Variants in NYAP2 observed in about 807,000 individuals in gnomAD.
NYAP2 encodes neuronal tyrosine-phosphorylated phosphoinositide-3-kinase adaptor 2.
NYAP2 carries 23 observed loss-of-function variants against 50.4 expected under a neutral mutation model. That is an observed-to-expected ratio of 0.46 (90% CI 0.33 to 0.65). The LOEUF (loss-of-function observed/expected upper bound fraction) is 0.65, where lower values mean the gene tolerates loss of function less well. Among genes scored for constraint, NYAP2 ranks in the 30% least tolerant of loss-of-function variants. The pLI is 0.02. For missense variants in NYAP2, 885 were observed against 861.0 expected (o/e 1.03, Z -0.35); for synonymous variants, 394 against 365.2 (o/e 1.08, Z -0.90).
the NYAP2 span, among the ~76,000 whole-genome samples, chr2:225,667,330 A>G: frequency 5.9e-5 from 9 of 152,260 alleles, no homozygotes; most frequent in Non-Finnish European, 1.2e-4. Context: ...AGTGGGTGGG[A>G]GGCCTTTACA....
At chr2:225,689,882 T>C in the NYAP2 span, among the ~76,000 whole-genome samples, 1 of 152,108 alleles carries the variant, frequency 6.6e-6, no homozygotes, top group Non-Finnish European at 1.5e-5. Flanking sequence ...TAATCCCTAA[T>C]TGTCATGTTA....
At chr2:225,477,231 CTTTTTTTTT>C (rs11378712) in intron 3 of NYAP2, among the ~76,000 whole-genome samples, 2 of 87,472 alleles carry the variant, frequency 2.3e-5, no homozygotes, top group African/African-American at 4.6e-5. Flanking sequence ...GTCTCTATTT[CTTTTTTTTT>C]TTTTTTTTTT....
intron 3 of NYAP2, among the ~76,000 whole-genome samples, chr2:225,431,244 TAC>T (rs1695361351): frequency 2.0e-5 from 3 of 152,388 alleles, no homozygotes; most frequent in African/African-American, 7.2e-5. Context: ...TTGGATCAAA[TAC>T]ATCACAGTTA....
intron 4 of NYAP2, among the ~76,000 whole-genome samples, chr2:225,549,210 TA>T (rs1691632946): frequency 6.6e-6 from 1 of 152,226 alleles, no homozygotes; most frequent in Non-Finnish European, 1.5e-5. Flanking sequence ...TAGTTTTCTC[TA>T]CTTCCAAGAA....
the NYAP2 span, among the ~76,000 whole-genome samples, chr2:225,666,367 G>C: frequency 6.6e-6 from 1 of 152,158 alleles, no homozygotes; most frequent in Non-Finnish European, 1.5e-5. Context: ...CCAAATATGA[G>C]TGACCATGAC....
intron 3 of NYAP2, among the ~76,000 whole-genome samples, chr2:225,423,939 T>C (rs1292847672): frequency 1.3e-5 from 2 of 152,180 alleles, no homozygotes; most frequent in Non-Finnish European, 2.9e-5. Flanking sequence ...GATGGAAATA[T>C]ATGATCTTTT....
At chr2:225,546,585 G>C (rs57576867) in intron 4 of NYAP2, among the ~76,000 whole-genome samples, 2 of 152,112 alleles carry the variant, frequency 1.3e-5, no homozygotes, top group African/African-American at 4.8e-5. Context: ...CTTCAGGGCA[G>C]TGGGCTCCCT....
rs1559202532 is a variant in NYAP2, at chr2:225,518,560, ATATAT to A, written c.523+4889_523+4893del. On this transcript the variant is annotated intron_variant, in intron 4 of 6. Transcript: ENST00000636099. ...TATATATATATATATATATATATAT[ATATAT>A]ATATTAGCGTGTGCGCTTATATATA... 8.0e-3 allele frequency among the ~76,000 whole-genome samples: 392 copies of A among 49,154 alleles called. 51 individuals are homozygous for A. The highest frequency in any genetic ancestry group is 0.032 in the African/African-American group (374 of 11,708). 32.2% of individuals were successfully genotyped at this position (49,154 alleles called of 152,430 possible).
At chr2:225,430,763 A>G (rs1476316152) in intron 3 of NYAP2, among the ~76,000 whole-genome samples, 20 of 152,200 alleles carry the variant, frequency 1.3e-4, no homozygotes, top group Non-Finnish European at 2.9e-5. Flanking sequence ...AGACATAAAT[A>G]GGAAAATACA....
chr2:225,692,736 C>T, the NYAP2 span, among the ~76,000 whole-genome samples: 2 of 151,908 alleles, frequency 1.3e-5, no homozygotes, highest in African/African-American at 4.8e-5. Flanking sequence ...TTTTCAATGT[C>T]ACACAATGAT....
At chr2:225,506,694 A>C (rs2011387) in intron 3 of NYAP2, among the ~76,000 whole-genome samples, 2 of 152,024 alleles carry the variant, frequency 1.3e-5, no homozygotes. Context: ...CATACTTTTA[A>C]TGAAGAAAGT....
At chr2:225,594,532 A>C (rs1692563277) in intron 5 of NYAP2, among the ~76,000 whole-genome samples, 1 of 152,136 alleles carries the variant, frequency 6.6e-6, no homozygotes, top group African/African-American at 2.4e-5. Flanking sequence ...AAAAAAAAAT[A>C]ATAAAATAAA....
intron 4 of NYAP2, among the ~76,000 whole-genome samples, chr2:225,544,385 C>T (rs887900266): frequency 6.6e-6 from 1 of 151,554 alleles, no homozygotes; most frequent in Non-Finnish European, 1.5e-5. Context: ...GTAATTTTCT[C>T]GTGGTAGGAT....
chr2:225,617,906 C>G (rs571142136), intron 5 of NYAP2, among the ~76,000 whole-genome samples: 1 of 152,236 alleles, frequency 6.6e-6, no homozygotes, highest in African/African-American at 2.4e-5. Context: ...AGTTATTCAT[C>G]CCATCCCTTC....
At chr2:225,506,599 G>C (rs909130021) in intron 3 of NYAP2, among the ~76,000 whole-genome samples, 1 of 152,210 alleles carries the variant, frequency 6.6e-6, no homozygotes, top group Non-Finnish European at 1.5e-5. Context: ...GGGATGTTCA[G>C]TAGGCAGCAC....
the NYAP2 span, among the ~76,000 whole-genome samples, chr2:225,665,929 C>T: frequency 6.6e-6 from 1 of 150,474 alleles, no homozygotes; most frequent in Non-Finnish European, 1.5e-5. Flanking sequence ...TTATCCCACT[C>T]CCTCCCTCTC....
At chr2:225,510,103 A>G (rs1468446870) in intron 3 of NYAP2, among the ~76,000 whole-genome samples, 1 of 152,208 alleles carries the variant, frequency 6.6e-6, no homozygotes, top group African/African-American at 2.4e-5. Context: ...TGGGGTGAAG[A>G]ATATATGTGA....
At chr2:225,411,158 G>A (rs1182398081) in intron 3 of NYAP2, among the ~76,000 whole-genome samples, 2 of 152,096 alleles carry the variant, frequency 1.3e-5, no homozygotes, top group Non-Finnish European at 2.9e-5. Flanking sequence ...CCTAACTGTT[G>A]AGAGATAATG....
At position 225,651,588 on chromosome 2, in the gene NYAP2, A is replaced by G. The variant is rs1159418931; in HGVS notation, c.*23A>G. 3 of 1,612,582 alleles carry G rather than the reference A, an allele frequency of 1.9e-6. No homozygotes were observed. In the Admixed American group the frequency reaches 5.0e-5, roughly 27 times the overall value. ...TGACTTCCTGTGATACAACTTGCCA[A>G]ATGCTTCCCACCTCTGTCTGTCCTG... On this transcript the variant is annotated 3_prime_UTR_variant, in exon 7 of 7. Coordinates refer to ENST00000636099, the Ensembl canonical transcript of NYAP2.
Sources: allele counts gnomAD v4.1 joint callset (sites outside exome capture counted in the v4.1 genomes callset), GRCh38; gene constraint gnomAD v4.1.1; transcripts MANE v1.5; gene names NCBI Gene and HGNC (gene_info 2026-07-23, HGNC 2026-07-21).